TADA2A: variants seen among roughly 807,000 people sequenced by gnomAD.
TADA2A encodes transcriptional adapter 2-alpha.
Under a neutral mutation model 67.4 loss-of-function variants are expected in TADA2A, and 38 were observed. The ratio of observed to expected loss-of-function variants is 0.56; its 90% CI spans 0.44 to 0.74. The LOEUF (loss-of-function observed/expected upper bound fraction) is 0.74, where lower values mean the gene tolerates loss of function less well. Ranked by LOEUF, TADA2A falls within the 30% of genes least tolerant of loss-of-function variation. The pLI is 0.00. For missense variants in TADA2A, 454 were observed against 547.0 expected (o/e 0.83, Z 1.70); for synonymous variants, 192 against 181.6 (o/e 1.06, Z -0.46).
intron 2 of TADA2A, among the ~76,000 whole-genome samples, chr17:37,422,645 A>G (rs1942974104): frequency 1.3e-5 from 2 of 152,038 alleles, no homozygotes; most frequent in African/African-American, 4.8e-5. Flanking sequence ...AGCTGGGATT[A>G]TAGGCTGCGC....
Position 37,467,513 on chromosome 17 carries a change from A to G in TADA2A, c.883A>G (p.Thr295Ala). Residue 295 changes from threonine to alanine, a missense_variant, in exon 12 of 16, where the codon ACC (threonine) becomes GCC (alanine). Physicochemically the swap from Thr to Ala is moderately conservative, Grantham distance 58 (BLOSUM62 0). This residue lies in a region of TADA2A where 403 missense variants were observed against 455.5 expected (regional missense o/e 0.88). Coordinates refer to ENST00000615182, the MANE Select transcript of TADA2A (RefSeq NM_001166105.3). ...CCAAGAATACAGGACAGCAGGCATT[A>G]CCAATTTTTGTAGTAAGTATGCTTC... ...RLQEYRTAGI[T>A]NFCSARTYDH... The G allele has an allele frequency of 6.2e-7, 1 of 1,613,738 alleles. No individual in the cohort carries two copies. Among genetic ancestry groups the G allele is most frequent in the Non-Finnish European group, 8.5e-7 (1 of 1,179,802 alleles).
Position 37,419,345 on chromosome 17 carries a change from G to GT in TADA2A, c.26-4155dup, listed in dbSNP as rs372502961. 6.6e-3 allele frequency among the ~76,000 whole-genome samples: 934 copies of GT among 142,572 alleles called. 50 individuals carry two copies. Among genetic ancestry groups the GT allele is most frequent in the African/African-American group, 0.022 (881 of 39,502 alleles). The allele number at this position is 142,572 out of a possible 152,430, so 93.5% of individuals were successfully genotyped here. A position where few individuals can be genotyped will look rare whatever the true frequency, so the allele number is the denominator to read the frequency against. ...CACTGCACCTGCCTAATTTTGTGGG[G>GT]TTTTTTTTTGTAGAGACATGGTTTC... is the stretch of plus-strand genomic sequence containing the variant. On this transcript the variant is annotated intron_variant, in intron 2 of 15. Coordinates refer to ENST00000615182, the MANE Select transcript of TADA2A (RefSeq NM_001166105.3).
Position 37,470,380 on chromosome 17 carries a change from T to TG in TADA2A, c.896-19dup, listed in dbSNP as rs1568184884. ...TCTGCTGCATTGTCATTGTGGTCAT[T>TG]GTGTTTTCTATACCCCCAGGTGCCA... On this transcript the variant is annotated intron_variant, in intron 12 of 15. Coordinates refer to ENST00000615182, the MANE Select transcript of TADA2A (RefSeq NM_001166105.3). 67 of 1,613,322 alleles carry TG rather than the reference T, an allele frequency of 4.2e-5. No homozygotes were observed. Among genetic ancestry groups the TG allele is most frequent in the Non-Finnish European group, 5.7e-5 (67 of 1,179,740 alleles).
chr17:37,468,915 A>C, intron 12 of TADA2A, among the ~76,000 whole-genome samples: 1 of 138,264 alleles, frequency 7.2e-6, no homozygotes, highest in East Asian at 2.1e-4. Context: ...TTTTTTTTTT[A>C]TTTGAGACGG....
intron 5 of TADA2A, among the ~76,000 whole-genome samples, chr17:37,439,934 A>ATTTTTTT (rs1265288502): frequency 1.1e-5 from 1 of 88,884 alleles, no homozygotes; most frequent in African/African-American, 4.6e-5. Context: ...TTATTTATTT[A>ATTTTTTT]TTTATTTATT....
Position 37,452,424 on chromosome 17 carries a change from T to C in TADA2A, c.605-6100T>C, listed in dbSNP as rs547147111. On this transcript the variant is annotated intron_variant, in intron 8 of 15. Coordinates refer to ENST00000615182, the MANE Select transcript of TADA2A (RefSeq NM_001166105.3). Reference sequence around the variant, plus strand: ...TCTCAAAAAAAAAGATCCTGAAATATGGTAAGTACTCAGTGTGTTTTAGCT... The same window carrying C: ...TCTCAAAAAAAAAGATCCTGAAATACGGTAAGTACTCAGTGTGTTTTAGCT... Among the ~76,000 whole-genome samples, 26 of 152,232 alleles carry C rather than the reference T, an allele frequency of 1.7e-4. No homozygotes were observed. The South Asian group carries it at 5.4e-3, about 32-fold the overall frequency.
At chr17:37,476,047 G>C (rs1375116144) in intron 15 of TADA2A, among the ~76,000 whole-genome samples, 1 of 152,184 alleles carries the variant, frequency 6.6e-6, no homozygotes, top group Non-Finnish European at 1.5e-5. Context: ...GTAGGGGATA[G>C]TGTTAGTCTT....
chr17:37,444,073 T>TCAA (rs367792772), intron 7 of TADA2A, among the ~76,000 whole-genome samples: 6 of 151,650 alleles, frequency 4.0e-5, no homozygotes, highest in Non-Finnish European at 8.8e-5. Flanking sequence ...CGCTGTTTCT[T>TCAA]CAACAACAAC....
chr17:37,438,174 A>AT (rs1435962189), intron 5 of TADA2A: 1 of 179,732 alleles, frequency 5.6e-6, no homozygotes, highest in Non-Finnish European at 1.2e-5. Flanking sequence ...TTAGTTGTAG[A>AT]TGCCCTAGTC....
At chr17:37,443,996 G>A (rs182022135) in intron 7 of TADA2A, among the ~76,000 whole-genome samples, 1 of 152,234 alleles carries the variant, frequency 6.6e-6, no homozygotes, top group Non-Finnish European at 1.5e-5. Flanking sequence ...CCAGCACTTT[G>A]GGAGGCTGAG....
At position 37,470,456 on chromosome 17, in the gene TADA2A, A is replaced by C; in HGVS notation, c.952A>C (p.Thr318Pro). The C allele has an allele frequency of 6.2e-7, 1 of 1,613,434 alleles. No homozygotes were observed. The highest frequency in any genetic ancestry group is 1.1e-5 in the South Asian group (1 of 91,036). Reference sequence around the variant, plus strand: ...ACGGGAGGAAGAGCGCCTTAAACGCACTATGCTCTCAGAAGTTCTCCAGTA... The same window carrying C: ...ACGGGAGGAAGAGCGCCTTAAACGCCCTATGCTCTCAGAAGTTCTCCAGTA... ...KTREEERLKR[T>P]MLSEVLQYIQ... The change falls in exon 13 of 16, where the codon ACT becomes CCT. Residue 318 changes from threonine to proline, a missense_variant. Physicochemically the swap from Thr to Pro is conservative, Grantham distance 38 (BLOSUM62 -1). Transcript: ENST00000615182.
At position 37,464,969 on chromosome 17, in the gene TADA2A, A is replaced by T. The variant is rs188528613; in HGVS notation, c.713-462A>T. Among the ~76,000 whole-genome samples, 418 of 152,026 alleles carry T rather than the reference A, an allele frequency of 2.7e-3. 2 individuals are homozygous for T. Among genetic ancestry groups the T allele is most frequent in the Middle Eastern group, 6.8e-3 (2 of 294 alleles). ...CAAGACCAGCCTGGCCAATGTGGTGAAATTCCGTCTCTACTAAAAATTCAA... is the reference window on the plus strand; with the variant it reads ...CAAGACCAGCCTGGCCAATGTGGTGTAATTCCGTCTCTACTAAAAATTCAA... On this transcript the variant is annotated intron_variant, in intron 10 of 15. Transcript: ENST00000615182.
intron 4 of TADA2A, among the ~76,000 whole-genome samples, chr17:37,430,346 C>CT (rs1288357987): frequency 4.6e-5 from 7 of 152,162 alleles, no homozygotes; most frequent in Admixed American, 6.5e-5. Context: ...ATCTTTCCTT[C>CT]TATAGGCATG....
At chr17:37,422,557 A>T in intron 2 of TADA2A, among the ~76,000 whole-genome samples, 1 of 150,734 alleles carries the variant, frequency 6.6e-6, no homozygotes. Context: ...CCCAGGCTGG[A>T]GTGCAGTGGC....
chr17:37,475,573 A>G lies in TADA2A; in HGVS notation c.1146+944A>G, dbSNP rs2053876666. Among the ~76,000 whole-genome samples, 3 of 151,910 alleles carry G rather than the reference A, an allele frequency of 2.0e-5. No individual in the cohort carries two copies. The South Asian group carries it at 6.2e-4, about 32-fold the overall frequency. On this transcript the variant is annotated intron_variant, in intron 15 of 15. Coordinates refer to ENST00000615182, the MANE Select transcript of TADA2A (RefSeq NM_001166105.3). ...CTGCAACCTCTGCCTCCCGGGTTCA[A>G]ACGATTCTCCTGCCCCTGAGTAGCT...
intron 2 of TADA2A, among the ~76,000 whole-genome samples, chr17:37,413,867 A>G (rs1254439409): frequency 1.3e-5 from 2 of 151,902 alleles, no homozygotes; most frequent in Non-Finnish European, 1.5e-5. Context: ...TTCTTGTCAC[A>G]GGGGTTTTGT....
chr17:37,419,374 A>G (rs2147915876), intron 2 of TADA2A, among the ~76,000 whole-genome samples: 2 of 144,996 alleles, frequency 1.4e-5, no homozygotes, highest in Middle Eastern at 7.2e-3. Context: ...TGGTTTCACC[A>G]TGTTCCCCAG....
intron 11 of TADA2A, among the ~76,000 whole-genome samples, chr17:37,466,015 CAG>C (rs2053657009): frequency 6.6e-6 from 1 of 152,152 alleles, no homozygotes; most frequent in Non-Finnish European, 1.5e-5. Context: ...AAAATGAGGA[CAG>C]AGATGGATAG....
intron 5 of TADA2A, among the ~76,000 whole-genome samples, chr17:37,439,450 T>C (rs1011597717): frequency 6.6e-6 from 1 of 151,942 alleles, no homozygotes; most frequent in African/African-American, 2.4e-5. Flanking sequence ...CCCTGGCTAA[T>C]CTTTGTATTT....
Sources: allele counts gnomAD v4.1 joint callset (sites outside exome capture counted in the v4.1 genomes callset), GRCh38; gene constraint gnomAD v4.1.1; regional missense constraint gnomAD v4.1.1; transcripts MANE v1.5; gene names NCBI Gene and HGNC (gene_info 2026-07-23, HGNC 2026-07-21).